The following ADGRL3 variants were observed in gnomAD, a reference collection of about 807,000 sequenced individuals.
ADGRL3 encodes the protein adhesion G protein-coupled receptor L3, also known as calcium-independent alpha-latrotoxin receptor 3.
ADGRL3 carries 62 observed loss-of-function variants against 153.5 expected under a neutral mutation model. The ratio of observed to expected loss-of-function variants is 0.40; its 90% CI spans 0.33 to 0.50. ADGRL3 has a LOEUF of 0.50. Among genes scored for constraint, ADGRL3 ranks in the 20% least tolerant of loss-of-function variants. The pLI, the probability that ADGRL3 is intolerant of heterozygous loss-of-function variation, is 0.47. For synonymous variants in ADGRL3, 710 were observed against 672.5 expected (o/e 1.06, Z -0.86); for missense variants, 1,641 against 1,859.4 (o/e 0.88, Z 2.16).
intron 8 of ADGRL3, among the ~76,000 whole-genome samples, chr4:61,758,775 T>C (rs372848402): frequency 1.3e-5 from 2 of 152,188 alleles, no homozygotes; most frequent in Non-Finnish European, 1.5e-5. Context: ...TTCCTAGTCT[T>C]GATGGTCTTT....
At chr4:61,851,087 T>A (rs2098196834) in intron 9 of ADGRL3, among the ~76,000 whole-genome samples, 1 of 152,188 alleles carries the variant, frequency 6.6e-6, no homozygotes, top group Non-Finnish European at 1.5e-5. Flanking sequence ...TTTTTAAACG[T>A]GTAATTTTAT....
chr4:62,032,744 A>T (rs1332378578), intron 23 of ADGRL3, among the ~76,000 whole-genome samples: 2 of 151,620 alleles, frequency 1.3e-5, no homozygotes, highest in East Asian at 3.9e-4. Context: ...ACTTGTGAAG[A>T]TGGACAAACA....
At position 61,318,690 on chromosome 4, in the gene ADGRL3, A is replaced by G. The variant is rs569412553; in HGVS notation, c.-239-64434A>G. Among the ~76,000 whole-genome samples, 7 of 152,288 alleles carry G rather than the reference A, an allele frequency of 4.6e-5. No individual in the cohort carries two copies. In the South Asian group the frequency reaches 1.4e-3, roughly 32 times the overall value. ...TTGGTAAATGCCATTAGAGACCTTCATCAGGGTAATGGCTCTGCACCACCC... is the reference window on the plus strand; with the variant it reads ...TTGGTAAATGCCATTAGAGACCTTCGTCAGGGTAATGGCTCTGCACCACCC... On this transcript the variant is annotated intron_variant, in intron 1 of 26. Transcript: ENST00000683033.
At chr4:61,789,279 G>A (rs570091963) in intron 8 of ADGRL3, among the ~76,000 whole-genome samples, 4 of 147,952 alleles carry the variant, frequency 2.7e-5, no homozygotes, top group Admixed American at 2.7e-4. Context: ...CTCTGTCTCT[G>A]TGTGTGTGTG....
intron 2 of ADGRL3, among the ~76,000 whole-genome samples, chr4:61,471,804 C>T (rs2152686591): frequency 6.6e-6 from 1 of 152,002 alleles, no homozygotes; most frequent in Non-Finnish European, 1.5e-5. Context: ...TATTATTGAA[C>T]AGAGTTTTTC....
At chr4:61,893,072 TC>T in intron 10 of ADGRL3, 114 bp downstream of exon 10, 1 of 465,558 alleles carries the variant, frequency 2.1e-6, no homozygotes, top group Non-Finnish European at 3.5e-6. Flanking sequence ...CCTCCCTCCC[TC>T]CCTCCTTGTC....
chr4:61,661,873 A>T (rs1177264943), intron 5 of ADGRL3, among the ~76,000 whole-genome samples: 1 of 152,234 alleles, frequency 6.6e-6, no homozygotes, highest in Non-Finnish European at 1.5e-5. Context: ...TGTAATATTC[A>T]TTAAGTATGT....
chr4:62,053,862 C>A (rs1735574132), intron 25 of ADGRL3, among the ~76,000 whole-genome samples: 1 of 151,352 alleles, frequency 6.6e-6, no homozygotes, highest in Non-Finnish European at 1.5e-5. Flanking sequence ...AAAAATACAC[C>A]AATACTGGGC....
At chr4:61,289,787 C>T (rs955013064) in intron 1 of ADGRL3, among the ~76,000 whole-genome samples, 1 of 152,010 alleles carries the variant, frequency 6.6e-6, no homozygotes, top group Non-Finnish European at 1.5e-5. Flanking sequence ...AGTAAGAGGA[C>T]ACTAAAGGCA....
At chr4:61,814,031 A>G in intron 9 of ADGRL3, 142 bp downstream of exon 9, 2 of 1,062,760 alleles carry the variant, frequency 1.9e-6, no homozygotes, top group Non-Finnish European at 2.6e-6. Flanking sequence ...TCTGGAGATA[A>G]AGCAAGTCTC....
chr4:61,464,293 A>G (rs1228883955), intron 2 of ADGRL3, among the ~76,000 whole-genome samples: 1 of 152,188 alleles, frequency 6.6e-6, no homozygotes, highest in Non-Finnish European at 1.5e-5. Context: ...TATAGTTTTT[A>G]AAAGTTTGGC....
At chr4:61,998,035 GGC>G (rs2151061578) in intron 20 of ADGRL3, 137 bp from the exon 21 acceptor site, 2 of 438,738 alleles carry the variant, frequency 4.6e-6, no homozygotes, top group South Asian at 5.7e-5. Flanking sequence ...TAAAACACTA[GGC>G]AGTCATCTAC....
intron 1 of ADGRL3, among the ~76,000 whole-genome samples, chr4:61,221,827 A>T (rs1745712453): frequency 6.6e-6 from 1 of 152,192 alleles, no homozygotes; most frequent in Admixed American, 6.5e-5. Context: ...AATCAAAGAT[A>T]AAAAATATTC....
intron 4 of ADGRL3, among the ~76,000 whole-genome samples, chr4:61,529,077 T>C (rs984499522): frequency 6.6e-6 from 1 of 152,180 alleles, no homozygotes; most frequent in Admixed American, 6.5e-5. Flanking sequence ...GGAAGTGATA[T>C]GATCTGGGCT....
At chr4:61,476,603 G>C (rs1396032665) in intron 2 of ADGRL3, among the ~76,000 whole-genome samples, 1 of 150,598 alleles carries the variant, frequency 6.6e-6, no homozygotes, top group Non-Finnish European at 1.5e-5. Flanking sequence ...CAGCTACTTG[G>C]GAGGATGAGA....
intron 21 of ADGRL3, among the ~76,000 whole-genome samples, chr4:61,999,481 GAT>G (rs1319362323): frequency 2.6e-5 from 4 of 152,126 alleles, no homozygotes; most frequent in Admixed American, 6.6e-5. Flanking sequence ...TAGTTATTAA[GAT>G]ATGATATATT....
At chr4:61,688,586 A>C (rs2095487072) in intron 6 of ADGRL3, among the ~76,000 whole-genome samples, 1 of 152,166 alleles carries the variant, frequency 6.6e-6, no homozygotes, top group Admixed American at 6.6e-5. Flanking sequence ...CATTCGAATT[A>C]ATACACCTAT....
intron 9 of ADGRL3, among the ~76,000 whole-genome samples, chr4:61,846,259 G>T (rs901575669): frequency 8.6e-5 from 13 of 151,856 alleles, no homozygotes; most frequent in African/African-American, 2.9e-4. Flanking sequence ...TGAGGCTGCA[G>T]TGAGCTATGA....
chr4:61,544,135 T>C (rs2148680840), intron 4 of ADGRL3, among the ~76,000 whole-genome samples: 1 of 152,360 alleles, frequency 6.6e-6, no homozygotes, highest in African/African-American at 2.4e-5. Flanking sequence ...CATAGGTAAC[T>C]TTACTATTGA....
Sources: allele counts gnomAD v4.1 joint callset (sites outside exome capture counted in the v4.1 genomes callset), GRCh38; gene constraint gnomAD v4.1.1; transcripts MANE v1.5; gene names NCBI Gene and HGNC (gene_info 2026-07-23, HGNC 2026-07-21).